The following TMEM163 variants were observed in gnomAD, a reference collection of about 807,000 sequenced individuals.
TMEM163 encodes the protein transmembrane protein 163.
A neutral mutation model predicts 29.3 loss-of-function variants in TMEM163; 17 were observed. The observed-to-expected ratio is 0.58, with a 90% CI of 0.40 to 0.87. The LOEUF is 0.87. Ranked by LOEUF, TMEM163 falls within the 40% of genes least tolerant of loss-of-function variation. The pLI, the probability that TMEM163 is intolerant of heterozygous loss-of-function variation, is 0.00. For missense variants in TMEM163, 303 were observed against 381.5 expected (o/e 0.79, Z 1.71); for synonymous variants, 157 against 160.6 (o/e 0.98, Z 0.17).
intron 2 of TMEM163, among the ~76,000 whole-genome samples, chr2:134,577,980 C>T (rs1388277695): frequency 1.3e-5 from 2 of 152,122 alleles, no homozygotes; most frequent in African/African-American, 4.8e-5. Context: ...TCACATCAGG[C>T]TCTTGGGCAT....
At chr2:134,692,337 C>T (rs1292381994) in intron 2 of TMEM163, among the ~76,000 whole-genome samples, 1 of 152,180 alleles carries the variant, frequency 6.6e-6, no homozygotes, top group African/African-American at 2.4e-5. Context: ...TTACAACAGC[C>T]AGAGAAAATG....
At chr2:134,473,720 C>G (rs1686856957) in intron 5 of TMEM163, among the ~76,000 whole-genome samples, 1 of 152,032 alleles carries the variant, frequency 6.6e-6, no homozygotes, top group South Asian at 2.1e-4. Context: ...ACTACAGATC[C>G]AACAGGATCT....
intron 2 of TMEM163, among the ~76,000 whole-genome samples, chr2:134,702,164 C>T (rs1242892083): frequency 6.6e-6 from 1 of 152,114 alleles, no homozygotes; most frequent in African/African-American, 2.4e-5. Context: ...GAGCTCAGAA[C>T]AGCCTTTTAA....
intron 2 of TMEM163, among the ~76,000 whole-genome samples, chr2:134,709,064 CAG>C (rs1329705484): frequency 6.6e-6 from 1 of 152,152 alleles, no homozygotes; most frequent in African/African-American, 2.4e-5. Context: ...ACCTGAAAAA[CAG>C]AGTCAGAATG....
intron 2 of TMEM163, among the ~76,000 whole-genome samples, chr2:134,656,421 G>A (rs1469215880): frequency 6.6e-6 from 1 of 151,710 alleles, no homozygotes; most frequent in Non-Finnish European, 1.5e-5. Context: ...CACGGTGCAC[G>A]CACCCACTGG....
intron 4 of TMEM163, among the ~76,000 whole-genome samples, chr2:134,531,405 C>T (rs1252132820): frequency 6.6e-6 from 1 of 152,184 alleles, no homozygotes; most frequent in East Asian, 1.9e-4. Context: ...AATTCTGACA[C>T]TACCCACTCG....
chr2:134,458,940 TG>T (rs36124163), intron 6 of TMEM163: 30,619 of 151,894 alleles, frequency 0.2, 3,710 homozygotes, highest in East Asian at 0.41. Flanking sequence ...AGCAGCCCAC[TG>T]GGGCTCCCAG....
intron 4 of TMEM163, among the ~76,000 whole-genome samples, chr2:134,520,235 T>A (rs1051684969): frequency 7.2e-5 from 11 of 152,234 alleles, no homozygotes; most frequent in Non-Finnish European, 1.5e-4. Flanking sequence ...GTCCATTCAT[T>A]AATGGCATAG....
chr2:134,535,688 A>C (rs1056585826), intron 4 of TMEM163, among the ~76,000 whole-genome samples: 1 of 151,906 alleles, frequency 6.6e-6, no homozygotes, highest in Non-Finnish European at 1.5e-5. Flanking sequence ...TATATGTATA[A>C]ATATTTTATA....
intron 2 of TMEM163, among the ~76,000 whole-genome samples, chr2:134,625,240 CA>C (rs1226936911): frequency 6.6e-6 from 1 of 151,942 alleles, no homozygotes; most frequent in Non-Finnish European, 1.5e-5. Flanking sequence ...TAATGCCTCT[CA>C]AAAAAAAGAA....
chr2:134,456,463 TA>T lies in TMEM163; in HGVS notation c.*252del, dbSNP rs3214699. The T allele has an allele frequency of 2.7e-5, 14 of 523,090 alleles. No homozygotes were observed. The highest frequency in any genetic ancestry group is 5.1e-4 in the Middle Eastern group (1 of 1,942). 32.4% of individuals were successfully genotyped at this position (523,090 alleles called of 1,614,324 possible). On this transcript the variant is annotated 3_prime_UTR_variant, in exon 8 of 8. Coordinates refer to ENST00000281924, the MANE Select transcript of TMEM163 (RefSeq NM_030923.5). ...ATGAGAACCATCATACTCCAGAGAC[TA>T]AAAAACGCCAGTCCCAGCTGGAGAC...
intron 2 of TMEM163, among the ~76,000 whole-genome samples, chr2:134,561,472 G>T (rs539614514): frequency 6.6e-6 from 1 of 151,392 alleles, no homozygotes; most frequent in South Asian, 2.1e-4. Flanking sequence ...TCAGCCTCCC[G>T]AGTAGCTGGG....
chr2:134,713,716 C>T, intron 1 of TMEM163: 1 of 459,336 alleles, frequency 2.2e-6, no homozygotes, highest in Admixed American at 2.3e-5. Context: ...CACCCACATT[C>T]AGCTGGGCCT....
chr2:134,538,776 C>T (rs1680597410), intron 4 of TMEM163, among the ~76,000 whole-genome samples: 1 of 152,136 alleles, frequency 6.6e-6, no homozygotes, highest in Admixed American at 6.5e-5. Flanking sequence ...CCAACACAGG[C>T]AAATCTCTAA....
Position 134,511,850 on chromosome 2 carries a change from C to T in TMEM163, c.459-8853G>A, listed in dbSNP as rs555080345. On this transcript the variant is annotated intron_variant, in intron 4 of 7. Coordinates refer to ENST00000281924, the MANE Select transcript of TMEM163 (RefSeq NM_030923.5). ...TCAGGGCAATTAGCTGCACCAATTC[C>T]AATTTTTTCTTAAATATCTGCTGAA... 9.2e-5 allele frequency among the ~76,000 whole-genome samples: 14 copies of T among 152,322 alleles called. No individual in the cohort carries two copies. The East Asian group carries it at 2.7e-3, about 29-fold the overall frequency.
chr2:134,678,382 G>C (rs1011488113), intron 2 of TMEM163, among the ~76,000 whole-genome samples: 2 of 152,224 alleles, frequency 1.3e-5, no homozygotes, highest in African/African-American at 4.8e-5. Flanking sequence ...ACGTGAATCT[G>C]TTATTCTCAT....
chr2:134,603,249 T>C (rs1682275146), intron 2 of TMEM163, among the ~76,000 whole-genome samples: 1 of 152,204 alleles, frequency 6.6e-6, no homozygotes, highest in South Asian at 2.1e-4. Flanking sequence ...TTTTTCCCTT[T>C]ATTACCAGGC....
In TMEM163 at chr2:134,718,966, A is replaced by T; in HGVS notation, c.-31T>A. 1 of 1,019,630 alleles carries T rather than the reference A, an allele frequency of 9.8e-7. No individual in the cohort carries two copies. Among genetic ancestry groups the T allele is most frequent in the Non-Finnish European group, 1.2e-6 (1 of 854,090 alleles). 63.2% of individuals were successfully genotyped at this position (1,019,630 alleles called of 1,614,324 possible). A position where few individuals can be genotyped will look rare whatever the true frequency, so the allele number is the denominator to read the frequency against. On this transcript the variant is annotated 5_prime_UTR_variant, in exon 1 of 8. Transcript: ENST00000281924. ...GGGGCTGCGGATCCCGGCGGCGGCG[A>T]CGACAAGCGCGGCGGGGACTCGAGT...
chr2:134,548,853 G>C (rs1248970343), intron 4 of TMEM163, among the ~76,000 whole-genome samples: 1 of 152,146 alleles, frequency 6.6e-6, no homozygotes. Context: ...TTTTGACTGT[G>C]ACCAGTCACA....
Sources: gnomAD v4.1 joint callset for allele counts (sites outside exome capture counted in the v4.1 genomes callset) on GRCh38, gnomAD v4.1.1 for gene constraint, MANE v1.5 for transcripts, NCBI Gene and HGNC (gene_info 2026-07-23, HGNC 2026-07-21) for gene names.